BCL11B: variants seen among roughly 807,000 people sequenced by gnomAD.
BCL11B encodes BCL11 transcription factor B, also known as B-cell lymphoma/leukemia 11B.
A neutral mutation model predicts 49.9 loss-of-function variants in BCL11B; 8 were observed. The ratio of observed to expected loss-of-function variants is 0.16; its 90% CI spans 0.09 to 0.29. The LOEUF (loss-of-function observed/expected upper bound fraction) is 0.29, where lower values mean the gene tolerates loss of function less well. Ranked by LOEUF, BCL11B falls within the 10% of genes least tolerant of loss-of-function variation. The pLI, the probability that BCL11B is intolerant of heterozygous loss-of-function variation, is 1.00. For synonymous variants in BCL11B, 739 were observed against 637.4 expected, an observed-to-expected ratio of 1.16 and a Z score of -2.40; for missense variants, 1,006 against 1,351.0, an observed-to-expected ratio of 0.74 and a Z score of 4.00.
rs1387646784 is a variant in BCL11B at position 99,223,328 on chromosome 14, A to T, written c.640+8017T>A. ...TTACATAGAACCATTTTTTAAAAAT[A>T]TAATATCTGCAAAGAGACCTCTTCT... On this transcript the variant is annotated intron_variant, in intron 3 of 3. Transcript: ENST00000357195. 2.0e-5 allele frequency among the ~76,000 whole-genome samples: 3 copies of T among 152,170 alleles called. No homozygotes were observed. In the South Asian group the frequency reaches 6.2e-4, roughly 32 times the overall value.
intron 1 of BCL11B, among the ~76,000 whole-genome samples, chr14:99,258,463 C>G (rs1889240409): frequency 6.6e-6 from 1 of 152,162 alleles, no homozygotes; most frequent in African/African-American, 2.4e-5. Flanking sequence ...ACTCACATTC[C>G]TCTACCTGGG....
intron 3 of BCL11B, among the ~76,000 whole-genome samples, chr14:99,187,291 G>A (rs1052105778): frequency 6.6e-6 from 1 of 152,184 alleles, no homozygotes; most frequent in African/African-American, 2.4e-5. Context: ...TTTTCCATGT[G>A]GCAAGTCATC....
At chr14:99,253,092 A>G (rs899024994) in intron 2 of BCL11B, among the ~76,000 whole-genome samples, 2 of 152,234 alleles carry the variant, frequency 1.3e-5, no homozygotes, top group African/African-American at 4.8e-5. Context: ...CATCCTCAGC[A>G]TAACCCAAAA....
intron 3 of BCL11B, among the ~76,000 whole-genome samples, chr14:99,221,064 G>C (rs1479511392): frequency 6.6e-6 from 1 of 152,108 alleles, no homozygotes; most frequent in Non-Finnish European, 1.5e-5. Context: ...ATGTTGGCCA[G>C]GATGGTCTTG....
Position 99,171,237 on chromosome 14 carries a change from T to C in BCL11B, c.*2914A>G, listed in dbSNP as rs1229449807. 1.8e-5 allele frequency: 4 copies of C among 227,452 alleles called. No individual in the cohort carries two copies. Among genetic ancestry groups the C allele is most frequent in the African/African-American group, 6.7e-5 (3 of 45,110 alleles). The allele number at this position is 227,452 out of a possible 1,614,324, so 14.1% of individuals were successfully genotyped here. ...TAGGCCAATTCCGACAAAAAATATA[T>C]ACAACTAAATGATTTGTGAACCAAA... On this transcript the variant is annotated 3_prime_UTR_variant, in exon 4 of 4. Coordinates refer to ENST00000357195, the MANE Select transcript of BCL11B (RefSeq NM_138576.4).
intron 2 of BCL11B, among the ~76,000 whole-genome samples, chr14:99,250,220 C>T (rs1037378039): frequency 6.6e-5 from 10 of 151,488 alleles, no homozygotes; most frequent in Non-Finnish European, 1.2e-4. Flanking sequence ...TATTTTTAGT[C>T]GAGACGGAGT....
chr14:99,267,916 C>G (rs957705697), intron 1 of BCL11B, among the ~76,000 whole-genome samples: 6 of 152,168 alleles, frequency 3.9e-5, no homozygotes, highest in African/African-American at 1.4e-4. Flanking sequence ...TTTCCTTGGT[C>G]TCTTCAGAAA....
intron 3 of BCL11B, among the ~76,000 whole-genome samples, chr14:99,224,984 G>A (rs944986828): frequency 6.6e-6 from 1 of 152,182 alleles, no homozygotes; most frequent in Admixed American, 6.5e-5. Context: ...CCCAGGATGT[G>A]TCTGGTGGGC....
In BCL11B at chr14:99,175,055, ACCAGCGCCTTCTCGTCAG is replaced by A; in HGVS notation, c.1763_1780del (p.Ala588_Leu593del). ...CACGTTCTCCATGACCTTGCCCAGCACCAGCGCCTTCTCGTCAGCCAGCGCCTTGGCCGCGCCGCCCCC... is the reference window on the plus strand; with the variant it reads ...CACGTTCTCCATGACCTTGCCCAGCACCAGCGCCTTGGCCGCGCCGCCCCC... On this transcript the variant is annotated inframe_deletion, in exon 4 of 4. Transcript: ENST00000357195. The A allele has an allele frequency of 3.8e-6, 6 of 1,598,736 alleles. No individual in the cohort carries two copies. Among genetic ancestry groups the A allele is most frequent in the Non-Finnish European group, 5.1e-6 (6 of 1,177,198 alleles).
In BCL11B at chr14:99,257,323, G is replaced by T; in HGVS notation, c.427+148C>A. 9.1e-7 allele frequency: 1 copy of T among 1,093,468 alleles called. No individual in the cohort carries two copies. Among genetic ancestry groups the T allele is most frequent in the Non-Finnish European group, 1.3e-6 (1 of 795,630 alleles). 67.7% of individuals were successfully genotyped at this position (1,093,468 alleles called of 1,614,324 possible). Reference sequence around the variant, plus strand: ...CCTCCTGAAGGTCACCTGGATGGTGGACCCTCAGAAAGGGGGAGCCCCGGC... The same window carrying T: ...CCTCCTGAAGGTCACCTGGATGGTGTACCCTCAGAAAGGGGGAGCCCCGGC... On this transcript the variant is annotated intron_variant, in intron 2 of 3. Coordinates refer to ENST00000357195, the MANE Select transcript of BCL11B (RefSeq NM_138576.4). The surrounding 1 kb of genome is among the most constrained non-coding windows in gnomAD (Gnocchi z 6.2).
At chr14:99,197,013 G>A (rs1157739138) in intron 3 of BCL11B, among the ~76,000 whole-genome samples, 6 of 152,184 alleles carry the variant, frequency 3.9e-5, no homozygotes, top group South Asian at 2.1e-4. Context: ...AACCTGGCCC[G>A]AAGGTTTCAC....
intron 3 of BCL11B, among the ~76,000 whole-genome samples, chr14:99,221,708 C>A (rs1888013985): frequency 6.6e-6 from 1 of 152,272 alleles, no homozygotes; most frequent in Admixed American, 6.5e-5. Flanking sequence ...AATTTCGCAT[C>A]TGCGAAAACC....
chr14:99,255,258 A>T (rs1171507864), intron 2 of BCL11B, among the ~76,000 whole-genome samples: 1 of 152,134 alleles, frequency 6.6e-6, no homozygotes, highest in Non-Finnish European at 1.5e-5. Context: ...GAACAAACAT[A>T]TCTCTTTAGA....
intron 1 of BCL11B, among the ~76,000 whole-genome samples, chr14:99,259,953 G>C (rs1403514950): frequency 6.6e-6 from 1 of 152,068 alleles, no homozygotes; most frequent in East Asian, 1.9e-4. Flanking sequence ...ATCTAACATT[G>C]AGCAATACTG....
intron 2 of BCL11B, among the ~76,000 whole-genome samples, chr14:99,249,467 C>A (rs564625663): frequency 5.3e-5 from 8 of 152,194 alleles, no homozygotes; most frequent in Non-Finnish European, 8.8e-5. Flanking sequence ...GGTCTCTAGG[C>A]GCAACTGAGC....
At chr14:99,201,636 T>G (rs192645454) in intron 3 of BCL11B, among the ~76,000 whole-genome samples, 33 of 152,320 alleles carry the variant, frequency 2.2e-4, no homozygotes, top group African/African-American at 7.9e-4. Flanking sequence ...CTGCACCCTG[T>G]CCCAGGTCCC....
At position 99,174,776 on chromosome 14, in the gene BCL11B, C is replaced by G; in HGVS notation, c.2060G>C (p.Arg687Pro). 6.8e-7 allele frequency: 1 copy of G among 1,464,206 alleles called. No individual in the cohort carries two copies. Among genetic ancestry groups the G allele is most frequent in the Non-Finnish European group, 9.0e-7 (1 of 1,108,400 alleles). The allele number at this position is 1,464,206 out of a possible 1,614,324, so 90.7% of individuals were successfully genotyped here. ...PSPGLNSAAK[R>P]IKVEKDLELP... ...CTCCAGGTCCTTCTCCACCTTGATG[C>G]GCTTGGCGGCGCTGTTGAGCCCGGG... is the stretch of plus-strand genomic sequence containing the variant. Residue 687 changes from arginine to proline, a missense_variant, in exon 4 of 4, where the codon CGC (arginine) becomes CCC (proline). By Grantham distance (103) the Arg-to-Pro change is moderately radical. This residue lies in a region of BCL11B where 443 missense variants were observed against 499.7 expected (regional missense o/e 0.89). Coordinates refer to ENST00000357195, the MANE Select transcript of BCL11B (RefSeq NM_138576.4).
intron 3 of BCL11B, among the ~76,000 whole-genome samples, chr14:99,202,027 C>A (rs1296670311): frequency 1.3e-5 from 2 of 152,200 alleles, no homozygotes; most frequent in Non-Finnish European, 2.9e-5. Context: ...GTTGCCCAGG[C>A]TGGAGTACAG....
Position 99,184,922 on chromosome 14 carries a change from C to T in BCL11B, c.641-8727G>A, listed in dbSNP as rs1278191858. On this transcript the variant is annotated intron_variant, in intron 3 of 3. Transcript: ENST00000357195. This position sits in a 1 kb window ranked among gnomAD's most constrained non-coding sequence, Gnocchi z 6.1. ...GACTTAATTCAGGCTTTGAGAAAAA[C>T]CTTAGGAAGCTGGGCCTACACCCCT... Among the ~76,000 whole-genome samples the T allele has an allele frequency of 6.6e-6, 1 of 152,144 alleles. No homozygotes were observed. The highest frequency in any genetic ancestry group is 2.4e-5 in the African/African-American group (1 of 41,434).
Sources: allele counts gnomAD v4.1 joint callset (sites outside exome capture counted in the v4.1 genomes callset), GRCh38; gene constraint gnomAD v4.1.1; regional missense constraint gnomAD v4.1.1; non-coding constraint Gnocchi (gnomAD v3.1); transcripts MANE v1.5; gene names NCBI Gene and HGNC (gene_info 2026-07-23, HGNC 2026-07-21).